The following FADS3 variants were observed in gnomAD, a reference collection of about 807,000 sequenced individuals.
FADS3 encodes the protein fatty acid desaturase 3.
Under a neutral mutation model 60.4 loss-of-function variants are expected in FADS3, and 30 were observed. The observed-to-expected ratio is 0.50, with a 90% CI of 0.37 to 0.67. FADS3 has a LOEUF of 0.67. Ranked by LOEUF, FADS3 falls within the 30% of genes least tolerant of loss-of-function variation. The probability of loss-of-function intolerance (pLI) is 0.00; values close to 1 mark genes in which losing one functional copy is unlikely to be tolerated. For synonymous variants in FADS3, 234 were observed against 249.3 expected, an observed-to-expected ratio of 0.94 and a Z score of 0.58; for missense variants, 432 against 598.3, an observed-to-expected ratio of 0.72 and a Z score of 2.90.
chr11:61,879,948 A>T, intron 2 of FADS3, 93 bp downstream of exon 2: 1 of 1,027,526 alleles, frequency 9.7e-7, no homozygotes, highest in Non-Finnish European at 1.4e-6. Flanking sequence ...GCGAATGCCG[A>T]GGGAGCTGCT....
rs1470507748 is a variant in FADS3 at position 61,878,604 on chromosome 11, G to C, written c.655C>G (p.His219Asp). 1.2e-6 allele frequency: 2 copies of C among 1,614,074 alleles called. No homozygotes were observed. Reference protein sequence around the residue: ...GFSAHWWNFRHFQHHAKPNIF... With the variant: ...GFSAHWWNFRDFQHHAKPNIF... Reference sequence around the variant, plus strand: ...TTGGGCTTGGCGTGGTGCTGGAAGTGGCGGAAGTTCCACCAGTGGGCGGAG... The same window carrying C: ...TTGGGCTTGGCGTGGTGCTGGAAGTCGCGGAAGTTCCACCAGTGGGCGGAG... The change falls in exon 5 of 12, where the codon CAC (histidine) becomes GAC (aspartate). Residue 219 changes from histidine (H) to aspartate (D), a missense_variant. Physicochemically the swap from His to Asp is moderately conservative, Grantham distance 81. Transcript: ENST00000278829.
Position 61,891,437 on chromosome 11 carries a change from C to T in FADS3, c.-56G>A. 7.9e-7 allele frequency: 1 copy of T among 1,258,556 alleles called. No homozygotes were observed. The highest frequency in any genetic ancestry group is 1.0e-6 in the Non-Finnish European group (1 of 983,852). The allele number at this position is 1,258,556 out of a possible 1,614,324, so 78.0% of individuals were successfully genotyped here. The stretch of plus-strand genomic sequence containing the variant: ...CGGTGGCCGAGGTCCGAGCAAGACC[C>T]CGAGGGAAGCGAAGAGCGCTCCCGG... On this transcript the variant is annotated 5_prime_UTR_variant, in exon 1 of 12. Transcript: ENST00000278829.
intron 1 of FADS3, among the ~76,000 whole-genome samples, chr11:61,885,607 G>A (rs1334699973): frequency 1.3e-5 from 2 of 152,172 alleles, no homozygotes; most frequent in Admixed American, 1.3e-4. Flanking sequence ...GCCTGAGGCT[G>A]GGAGAGAGGA....
intron 1 of FADS3, chr11:61,886,241 C>A (rs1461511912): frequency 2.0e-5 from 3 of 152,362 alleles, no homozygotes; most frequent in African/African-American, 7.2e-5. Flanking sequence ...TCCTGGTCCT[C>A]TCTCCACCAC....
chr11:61,889,492 A>C (rs1443271149), intron 1 of FADS3, among the ~76,000 whole-genome samples: 1 of 151,906 alleles, frequency 6.6e-6, no homozygotes, highest in East Asian at 2.0e-4. Context: ...TCTACTAAAA[A>C]TACAATATGC....
rs1937921231 is a variant in FADS3 at position 61,877,021 on chromosome 11, G to T, written c.886-58C>A. On this transcript the variant is annotated intron_variant, in intron 7 of 11. Coordinates refer to ENST00000278829, the MANE Select transcript of FADS3 (RefSeq NM_021727.5). This position sits in a 1 kb window ranked among gnomAD's most constrained non-coding sequence, Gnocchi z 4.7. ...TCTCCAGGTGCCCGGAGGTCTGGAG[G>T]CCTGGTGGGTGGGAGGAGGACCTCA... 6 of 1,305,776 alleles carry T rather than the reference G, an allele frequency of 4.6e-6. No individual in the cohort carries two copies. Among genetic ancestry groups the T allele is most frequent in the African/African-American group, 1.5e-5 (1 of 67,690 alleles). The allele number at this position is 1,305,776 out of a possible 1,614,324, so 80.9% of individuals were successfully genotyped here.
In FADS3 at chr11:61,889,251, G is replaced by A. The variant is rs531691088; in HGVS notation, c.213+1918C>T. ...CTGCGAATCAATGAGAAAACTGTGT[G>A]ATGGAAGTCTCAGGATCCCAAGCTA... is the stretch of plus-strand genomic sequence containing the variant. On this transcript the variant is annotated intron_variant, in intron 1 of 11. Coordinates refer to ENST00000278829, the MANE Select transcript of FADS3 (RefSeq NM_021727.5). 4.6e-5 allele frequency among the ~76,000 whole-genome samples: 7 copies of A among 152,286 alleles called. No homozygotes were observed. The South Asian group carries it at 1.4e-3, about 32-fold the overall frequency.
Position 61,877,515 on chromosome 11 carries a change from C to T in FADS3, c.881G>A (p.Trp294Ter). The T allele has an allele frequency of 6.2e-7, 1 of 1,613,304 alleles. No individual in the cohort carries two copies. Among genetic ancestry groups the T allele is most frequent in the Non-Finnish European group, 8.5e-7 (1 of 1,180,002 alleles). The change falls in exon 7 of 12, where the codon TGG becomes TAG. Residue 294 changes from tryptophan (W) to a stop codon, truncating the protein, a stop_gained. Transcript: ENST00000278829. LOFTEE classifies it high-confidence loss of function. This position sits in a 1 kb window ranked among gnomAD's most constrained non-coding sequence, Gnocchi z 4.7. ...GTCCTGGGCAACCCCACTCACCGCC[C>T]ACTGCATGCACACCAGCATGTACGC... ...NLAYMLVCMQWADLLWAASFY... is the reference protein window; with the variant it reads ...NLAYMLVCMQ
chr11:61,875,433 A>G (rs1205361214), intron 11 of FADS3, among the ~76,000 whole-genome samples: 1 of 136,824 alleles, frequency 7.3e-6, no homozygotes, highest in East Asian at 2.2e-4. Context: ...GGGTTTCACC[A>G]TGTTGGCCAG....
In FADS3 at chr11:61,875,919, C is replaced by A. The variant is rs775574829; in HGVS notation, c.1218G>T (p.Ser406=). Residue 406 remains serine (S), a synonymous_variant, in exon 11 of 12, where the codon TCG becomes TCT. Coordinates refer to ENST00000278829, the MANE Select transcript of FADS3 (RefSeq NM_021727.5). ...NYSRVAPLVK[S]LCAKHGLSYE... The stretch of plus-strand genomic sequence containing the variant: ...AGCTGAGGCCGTGCTTGGCACACAG[C>A]GACTTGACCAGCGGGGCCACCCGGC... 2 of 1,613,844 alleles carry A rather than the reference C, an allele frequency of 1.2e-6. No homozygotes were observed. Among genetic ancestry groups the A allele is most frequent in the South Asian group, 1.1e-5 (1 of 91,088 alleles).
At chr11:61,884,583 T>C (rs1289690998) in intron 1 of FADS3, among the ~76,000 whole-genome samples, 1 of 152,150 alleles carries the variant, frequency 6.6e-6, no homozygotes, top group Non-Finnish European at 1.5e-5. Flanking sequence ...GGCCAGTCAC[T>C]ATCTCAAGAA....
At chr11:61,886,606 C>T (rs141958112) in intron 1 of FADS3, among the ~76,000 whole-genome samples, 32 of 152,266 alleles carry the variant, frequency 2.1e-4, no homozygotes, top group Admixed American at 1.1e-3. Flanking sequence ...CCAGCTCCCA[C>T]CCAGACACAA....
rs755673208 is a variant in FADS3, at chr11:61,873,803, G to A, written c.*11C>T. On this transcript the variant is annotated 3_prime_UTR_variant, in exon 12 of 12. Transcript: ENST00000278829. ...GCCCTGAGCCCTTCTCTGCCCGCCT[G>A]GGTGTTGCCTTCACTGATGGAGGTA... The A allele has an allele frequency of 6.2e-7, 1 of 1,609,596 alleles. No homozygotes were observed. The highest frequency in any genetic ancestry group is 1.3e-5 in the African/African-American group (1 of 74,922).
At chr11:61,885,736 G>A (rs1938291854) in intron 1 of FADS3, among the ~76,000 whole-genome samples, 1 of 152,186 alleles carries the variant, frequency 6.6e-6, no homozygotes, top group South Asian at 2.1e-4. Flanking sequence ...AGCAGGGAGT[G>A]TGGCAGGGCT....
Position 61,878,507 on chromosome 11 carries a change from C to T in FADS3, c.747+5G>A, listed in dbSNP as rs1484896920. 5.6e-6 allele frequency: 9 copies of T among 1,613,244 alleles called. No homozygotes were observed. In the Admixed American group the frequency reaches 1.0e-4, roughly 18 times the overall value. On this transcript the variant is annotated splice_donor_5th_base_variant and intron_variant, in intron 5 of 11. Coordinates refer to ENST00000278829, the MANE Select transcript of FADS3 (RefSeq NM_021727.5). ...CAGAGGTTGTCCACGTCCCTCCCCA[C>T]CCACCTCGACGGATGACTCCCCCAG...
At chr11:61,879,043 G>C (rs1367521645) in intron 3 of FADS3, among the ~76,000 whole-genome samples, 196 bp from the exon 4 acceptor site, 9 of 152,222 alleles carry the variant, frequency 5.9e-5, no homozygotes, top group Admixed American at 5.9e-4. Flanking sequence ...GTGTCATGAA[G>C]CTGCAGGGCA....
Position 61,877,154 on chromosome 11 carries a change from C to A in FADS3, c.886-191G>T. On this transcript the variant is annotated intron_variant, in intron 7 of 11. Coordinates refer to ENST00000278829, the MANE Select transcript of FADS3 (RefSeq NM_021727.5). This position sits in a 1 kb window ranked among gnomAD's most constrained non-coding sequence, Gnocchi z 4.7. ...ACAGGGTCCTTGCCCTGCCAGCTCA[C>A]GAGGCTGATTTTAGTGACGAAGGTG... 1 of 560,656 alleles carries A rather than the reference C, an allele frequency of 1.8e-6. No individual in the cohort carries two copies. Among genetic ancestry groups the A allele is most frequent in the South Asian group, 2.2e-5 (1 of 45,528 alleles). 34.7% of individuals were successfully genotyped at this position (560,656 alleles called of 1,614,324 possible).
chr11:61,891,073 G>T, intron 1 of FADS3, 96 bp downstream of exon 1: 1 of 1,065,688 alleles, frequency 9.4e-7, no homozygotes. Context: ...AGGGGAGGGA[G>T]GATGCTAAGG....
At chr11:61,883,542 C>T (rs1457026517) in intron 1 of FADS3, among the ~76,000 whole-genome samples, 1 of 152,244 alleles carries the variant, frequency 6.6e-6, no homozygotes, top group Admixed American at 6.5e-5. Context: ...CACATGAACA[C>T]TCAGCCAAAC....
Sources: gnomAD v4.1 joint callset for allele counts (sites outside exome capture counted in the v4.1 genomes callset) on GRCh38, gnomAD v4.1.1 for gene constraint, Gnocchi (gnomAD v3.1) non-coding constraint, MANE v1.5 for transcripts, NCBI Gene and HGNC (gene_info 2026-07-23, HGNC 2026-07-21) for gene names.